MPDZ: variants seen among roughly 807,000 people sequenced by gnomAD.
The protein encoded by MPDZ is multiple PDZ domain protein.
A neutral mutation model predicts 239.1 loss-of-function variants in MPDZ; 234 were observed. The ratio of observed to expected loss-of-function variants is 0.98; its 90% CI spans 0.88 to 1.09. The LOEUF (loss-of-function observed/expected upper bound fraction) is 1.09, where lower values mean the gene tolerates loss of function less well. Ranked by LOEUF, MPDZ falls within the 50% of genes least tolerant of loss-of-function variation. MPDZ has a pLI of 0.00. For missense variants in MPDZ, 3,175 were observed against 2,510.0 expected (o/e 1.26, Z -5.66); for synonymous variants, 1,048 against 881.3 (o/e 1.19, Z -3.35).
chr9:13,175,472 G>T (rs1952345736), intron 21 of MPDZ, among the ~76,000 whole-genome samples: 1 of 152,030 alleles, frequency 6.6e-6, no homozygotes, highest in African/African-American at 2.4e-5. Flanking sequence ...TTTCTGATTT[G>T]CTGTTTCATA....
At chr9:13,121,663 A>G (rs1944368214) in intron 38 of MPDZ, 76 bp downstream of exon 38, 8 of 1,460,510 alleles carry the variant, frequency 5.5e-6, no homozygotes, top group Non-Finnish European at 4.8e-6. Context: ...AGATTCACCT[A>G]CTGCTATTAC....
chr9:13,205,209 G>C (rs1402386689), intron 11 of MPDZ, 102 bp from the exon 12 acceptor site: 5 of 566,920 alleles, frequency 8.8e-6, no homozygotes, highest in Non-Finnish European at 1.4e-5. Context: ...ATGAGAATCT[G>C]TTTTTCAGAG....
At chr9:13,255,931 C>A (rs1969324247) in intron 1 of MPDZ, among the ~76,000 whole-genome samples, 1 of 152,178 alleles carries the variant, frequency 6.6e-6, no homozygotes, top group African/African-American at 2.4e-5. Context: ...ACATTGACTT[C>A]TCCTAACTAC....
At position 13,168,378 on chromosome 9, in the gene MPDZ, C is replaced by T. The variant is rs557398805; in HGVS notation, c.3242G>A (p.Gly1081Asp). 6.2e-7 allele frequency: 1 copy of T among 1,612,480 alleles called. No homozygotes were observed. Among genetic ancestry groups the T allele is most frequent in the African/African-American group, 1.3e-5 (1 of 74,972 alleles). ...RAMLRRHSLI[G>D]PDIKITYVPA... ...AAATGATACTTACTTTATGTCAGGG[C>T]CAATGAGAGAATGTCTTCTCAACAT... Residue 1081 changes from glycine (G) to aspartate (D), a missense_variant, in exon 22 of 47, where the codon GGC becomes GAC. By Grantham distance (94) the Gly-to-Asp change is moderately conservative (BLOSUM62 -1). Coordinates refer to ENST00000319217, the MANE Select transcript of MPDZ (RefSeq NM_001378778.1).
chr9:13,259,700 A>G (rs919439961), intron 1 of MPDZ, among the ~76,000 whole-genome samples: 1 of 152,122 alleles, frequency 6.6e-6, no homozygotes, highest in Non-Finnish European at 1.5e-5. Flanking sequence ...CCTTCTGAGC[A>G]CTGCATGTAG....
intron 16 of MPDZ, 64 bp downstream of exon 16, chr9:13,190,050 A>G (rs1954682912): frequency 7.0e-7 from 1 of 1,422,524 alleles, no homozygotes. Context: ...AACTATCATC[A>G]TCTGCTTTTT....
chr9:13,261,295 G>A (rs894132613), intron 1 of MPDZ, among the ~76,000 whole-genome samples: 1 of 152,150 alleles, frequency 6.6e-6, no homozygotes, highest in African/African-American at 2.4e-5. Context: ...GAGGAAAATA[G>A]AGTAACTGGT....
At chr9:13,224,717 G>T in intron 3 of MPDZ, 134 bp from the exon 4 acceptor site, 1 of 641,974 alleles carries the variant, frequency 1.6e-6, no homozygotes, top group Non-Finnish European at 2.6e-6. Context: ...ATTCTATTTT[G>T]GGAAATTTAT....
chr9:13,140,873 C>A (rs189960281), intron 27 of MPDZ: 1 of 152,062 alleles, frequency 6.6e-6, no homozygotes, highest in Non-Finnish European at 1.5e-5. Context: ...ATTCTCTTAA[C>A]AAATCCAGGA....
rs1467080970 is a variant in MPDZ, at chr9:13,196,222, A to C, written c.1555T>G (p.Leu519Val). Residue 519 changes from leucine to valine, a missense_variant, in exon 13 of 47, where the codon TTA (leucine) becomes GTA (valine). Coordinates refer to ENST00000319217, the MANE Select transcript of MPDZ (RefSeq NM_001378778.1). ...ATTTCTTCTATCTCAGCTGACAGTAATGGATACCCTGAAACAGTCAAGGCA... is the reference window on the plus strand; with the variant it reads ...ATTTCTTCTATCTCAGCTGACAGTACTGGATACCCTGAAACAGTCAAGGCA... Reference protein sequence around the residue: ...ILPTEEEGYPLLSAEIEEIED... With the variant: ...ILPTEEEGYPVLSAEIEEIED... The C allele has an allele frequency of 6.3e-7, 1 of 1,586,340 alleles. No homozygotes were observed. The highest frequency in any genetic ancestry group is 1.1e-5 in the South Asian group (1 of 87,358).
At chr9:13,203,728 CCACACACACACACA>C (rs58472339) in intron 12 of MPDZ, among the ~76,000 whole-genome samples, 5 of 140,462 alleles carry the variant, frequency 3.6e-5, no homozygotes, top group South Asian at 2.5e-4. Flanking sequence ...ATGTATCCTG[CCACACACACACACA>C]CACACACACA....
intron 21 of MPDZ, among the ~76,000 whole-genome samples, chr9:13,172,039 T>G (rs1303801545): frequency 6.6e-6 from 1 of 152,230 alleles, no homozygotes; most frequent in Non-Finnish European, 1.5e-5. Context: ...AATTTAATGC[T>G]TTAATATTTA....
At chr9:13,223,508 C>A in intron 5 of MPDZ, 63 bp downstream of exon 5, 1 of 1,515,830 alleles carries the variant, frequency 6.6e-7, no homozygotes, top group East Asian at 2.3e-5. Flanking sequence ...TAAATTCCTG[C>A]ATAGTAACCA....
In MPDZ at chr9:13,216,832, G is replaced by A. The variant is rs1300118803; in HGVS notation, c.1232C>T (p.Thr411Ile). ...ATCATGCTCAACGGCACTGCTTTTT[G>A]TAATGCTCTTTACAAAGATTCCTGA... ...EPSGIFVKSI[T>I]KSSAVEHDGR... The change falls in exon 10 of 47, where the codon ACA (threonine) becomes ATA (isoleucine). Residue 411 changes from threonine to isoleucine, a missense_variant. Transcript: ENST00000319217. 2.5e-6 allele frequency: 4 copies of A among 1,609,908 alleles called. No homozygotes were observed. Among genetic ancestry groups the A allele is most frequent in the Admixed American group, 3.4e-5 (2 of 59,684 alleles).
intron 1 of MPDZ, among the ~76,000 whole-genome samples, chr9:13,275,142 C>G (rs910699648): frequency 1.3e-5 from 2 of 152,196 alleles, no homozygotes; most frequent in African/African-American, 4.8e-5. Context: ...CAGAGTCTCA[C>G]TAGTTTACAC....
chr9:13,241,101 C>T (rs1965299936), intron 3 of MPDZ, among the ~76,000 whole-genome samples: 1 of 152,088 alleles, frequency 6.6e-6, no homozygotes. Context: ...TCTATATTTA[C>T]AAACTTTTAG....
At chr9:13,143,658 C>A in intron 26 of MPDZ, 94 bp from the exon 27 acceptor site, 1 of 946,450 alleles carries the variant, frequency 1.1e-6, no homozygotes, top group Non-Finnish European at 1.7e-6. Flanking sequence ...TAAAGAACTG[C>A]CTGTGTGAAA....
At chr9:13,168,709 A>G (rs1349470520) in intron 21 of MPDZ, 145 bp from the exon 22 acceptor site, 5 of 659,358 alleles carry the variant, frequency 7.6e-6, no homozygotes, top group Non-Finnish European at 1.2e-5. Context: ...AACAGGAAAA[A>G]GTGTTTCTAA....
intron 1 of MPDZ, among the ~76,000 whole-genome samples, chr9:13,251,128 CAAAAAAAAAAA>C (rs150252589): frequency 0.022 from 807 of 36,456 alleles, 5 homozygotes; most frequent in South Asian, 0.032. Context: ...GACTCCATCT[CAAAAAAAAAAA>C]AAAAAAAAAA....
Sources: gnomAD v4.1 joint callset for allele counts (sites outside exome capture counted in the v4.1 genomes callset) on GRCh38, gnomAD v4.1.1 for gene constraint, MANE v1.5 for transcripts, NCBI Gene and HGNC (gene_info 2026-07-23, HGNC 2026-07-21) for gene names.